The following PALM3 variants were observed in gnomAD, a reference collection of about 807,000 sequenced individuals.
PALM3 encodes paralemmin 3.
In PALM3, 20 loss-of-function variants were observed where a neutral mutation model predicts 27.9. The ratio of observed to expected loss-of-function variants is 0.72; its 90% CI spans 0.50 to 1.04. The LOEUF (loss-of-function observed/expected upper bound fraction) is 1.04. Among genes scored for constraint, PALM3 ranks in the 50% least tolerant of loss-of-function variants. The probability of loss-of-function intolerance (pLI) is 0.00; values close to 1 mark genes in which losing one functional copy is unlikely to be tolerated. For missense variants in PALM3, 814 were observed against 869.4 expected, an observed-to-expected ratio of 0.94 and a Z score of 0.80; for synonymous variants, 328 against 352.7, an observed-to-expected ratio of 0.93 and a Z score of 0.79.
chr19:14,053,815 A>G lies in PALM3; in HGVS notation c.1857T>C (p.Asp619=). Residue 619 remains aspartate, a synonymous_variant, in exon 7 of 7, where the codon GAT becomes GAC. Coordinates refer to ENST00000669674, the MANE Select transcript of PALM3 (RefSeq NM_001145028.2). The part of the protein sequence containing the change: ...TAAEGQGPLG[D]ATPLLAETPA... ...GGGTCTCTGCCAGAAGAGGTGTGGC[A>G]TCCCCCAAGGGGCCTTGGCCCTCAG... The G allele has an allele frequency of 6.5e-7, 1 of 1,548,372 alleles. No homozygotes were observed. The highest frequency in any genetic ancestry group is 8.7e-7 in the Non-Finnish European group (1 of 1,145,460).
intron 6 of PALM3, 69 bp from the exon 7 acceptor site, chr19:14,055,295 G>A (rs1976285300): frequency 2.0e-6 from 3 of 1,531,366 alleles, no homozygotes; most frequent in Admixed American, 2.0e-5. Flanking sequence ...CAAAAGGACT[G>A]CCATCCACAC....
At chr19:14,056,879 C>T in intron 3 of PALM3, 75 bp from the exon 4 acceptor site, 2 of 1,407,048 alleles carry the variant, frequency 1.4e-6, no homozygotes, top group Non-Finnish European at 1.9e-6. Context: ...CCGACCTCTG[C>T]AGGCTGGGCA....
chr19:14,057,677 G>C (rs868700174), intron 2 of PALM3: 10 of 165,220 alleles, frequency 6.1e-5, no homozygotes, highest in Middle Eastern at 2.5e-3. Context: ...CCGCGCCCGG[G>C]ATGCTGCGGA....
At position 14,056,857 on chromosome 19, in the gene PALM3, T is replaced by C; in HGVS notation, c.172-53A>G. On this transcript the variant is annotated intron_variant, in intron 3 of 6. Transcript: ENST00000669674. ...GGCATACAGACTACCCCGGTCCATGTAAAGTCCCCTCCCGACCTCTGCAGG... is the reference window on the plus strand; with the variant it reads ...GGCATACAGACTACCCCGGTCCATGCAAAGTCCCCTCCCGACCTCTGCAGG... 9 of 1,485,330 alleles carry C rather than the reference T, an allele frequency of 6.1e-6. 1 individual carries two copies. In the South Asian group the frequency reaches 1.2e-4, roughly 20 times the overall value. The allele number at this position is 1,485,330 out of a possible 1,614,324, so 92.0% of individuals were successfully genotyped here.
rs377339097 is a variant in PALM3, at chr19:14,059,166, G to A, written c.42-3C>T. The A allele has an allele frequency of 3.5e-6, 5 of 1,445,932 alleles. No individual in the cohort carries two copies. The highest frequency in any genetic ancestry group is 6.0e-5 in the East Asian group (2 of 33,182). 89.6% of individuals were successfully genotyped at this position (1,445,932 alleles called of 1,614,324 possible). A position where few individuals can be genotyped will look rare whatever the true frequency, so the allele number is the denominator to read the frequency against. Reference sequence around the variant, plus strand: ...AGAGGGAGCTCTCCGCCATGGGCCTGTTGGGAGAGGGCAGGGGCTTCGAGG... The same window carrying A: ...AGAGGGAGCTCTCCGCCATGGGCCTATTGGGAGAGGGCAGGGGCTTCGAGG... On this transcript the variant is annotated splice_polypyrimidine_tract_variant and splice_region_variant and intron_variant, in intron 1 of 6. Coordinates refer to ENST00000669674, the MANE Select transcript of PALM3 (RefSeq NM_001145028.2).
intron 2 of PALM3, chr19:14,057,657 G>A: frequency 5.0e-6 from 1 of 201,536 alleles, no homozygotes; most frequent in African/African-American, 2.4e-5. Context: ...CGGGGCGGGG[G>A]CGGGGCCGGC....
intron 1 of PALM3, among the ~76,000 whole-genome samples, chr19:14,060,672 G>A (rs1976398227): frequency 6.6e-6 from 1 of 152,116 alleles, no homozygotes; most frequent in Non-Finnish European, 1.5e-5. Context: ...GGCGAGGGGG[G>A]TGGGGGTGCA....
At chr19:14,055,770 A>AGAT (rs1335766618) in intron 5 of PALM3, among the ~76,000 whole-genome samples, 1 of 151,836 alleles carries the variant, frequency 6.6e-6, no homozygotes, top group Non-Finnish European at 1.5e-5. Flanking sequence ...TTTTTTTTTG[A>AGAT]GATGGAGTCT....
chr19:14,057,237 G>T, intron 3 of PALM3, 114 bp downstream of exon 3: 1 of 607,116 alleles, frequency 1.6e-6, no homozygotes, highest in Non-Finnish European at 2.3e-6. Flanking sequence ...GCCCCCAACT[G>T]CCCGCTCCCC....
intron 2 of PALM3, among the ~76,000 whole-genome samples, chr19:14,058,702 G>C (rs1195856451): frequency 6.6e-6 from 1 of 151,936 alleles, no homozygotes; most frequent in East Asian, 1.9e-4. Context: ...TAGGATCAGA[G>C]TGGTAGAGAC....
At position 14,055,431 on chromosome 19, in the gene PALM3, G is replaced by A. The variant is rs1976288289; in HGVS notation, c.400-6C>T. 6.4e-7 allele frequency: 1 copy of A among 1,551,516 alleles called. No individual in the cohort carries two copies. Among genetic ancestry groups the A allele is most frequent in the Non-Finnish European group, 8.7e-7 (1 of 1,146,930 alleles). On this transcript the variant is annotated splice_polypyrimidine_tract_variant and splice_region_variant and intron_variant, in intron 5 of 6. Transcript: ENST00000669674. ...TGGGAGAGAGGACGGTGACCCTGCA[G>A]AGATGGCGGAGACAAGGTCAGGCTG...
Position 14,056,812 on chromosome 19 carries a change from G to A in PALM3, c.172-8C>T. 2 of 1,541,350 alleles carry A rather than the reference G, an allele frequency of 1.3e-6. No individual in the cohort carries two copies. Among genetic ancestry groups the A allele is most frequent in the Non-Finnish European group, 1.8e-6 (2 of 1,141,996 alleles). On this transcript the variant is annotated splice_region_variant and splice_polypyrimidine_tract_variant and intron_variant, in intron 3 of 6. Coordinates refer to ENST00000669674, the MANE Select transcript of PALM3 (RefSeq NM_001145028.2). ...TTCCCGGAGAGACTTCCTCTGGGCA[G>A]GGGAAGGGAGTTGGGGCTGGGCATA...
chr19:14,053,391 C>T lies in PALM3; in HGVS notation c.*214G>A. Reference sequence around the variant, plus strand: ...CTTGAGTGCTTTCACATTTTATTTTCAAGTATAAAGGCTTCATCGCAGAAG... The same window carrying T: ...CTTGAGTGCTTTCACATTTTATTTTTAAGTATAAAGGCTTCATCGCAGAAG... On this transcript the variant is annotated 3_prime_UTR_variant, in exon 7 of 7. Transcript: ENST00000669674. 1 of 466,062 alleles carries T rather than the reference C, an allele frequency of 2.1e-6. No homozygotes were observed. Among genetic ancestry groups the T allele is most frequent in the Non-Finnish European group, 3.7e-6 (1 of 271,818 alleles). 28.9% of individuals were successfully genotyped at this position (466,062 alleles called of 1,614,324 possible).
rs911233534 is a variant in PALM3, at chr19:14,055,012, G to A, written c.660C>T (p.Ser220=). ...EQGLSQRAVP[S]EGRVGEAKGG... ...CTTTGGCCTCACCCACCCGCCCTTC[G>A]GATGGCACTGCCCTCTGACTTAGCC... Residue 220 remains serine (S), a synonymous_variant, in exon 7 of 7, where the codon TCC becomes TCT. Coordinates refer to ENST00000669674, the MANE Select transcript of PALM3 (RefSeq NM_001145028.2). 3.2e-5 allele frequency: 50 copies of A among 1,548,824 alleles called. No homozygotes were observed. The highest frequency in any genetic ancestry group is 4.3e-5 in the Non-Finnish European group (49 of 1,145,592).
intron 1 of PALM3, 21 bp downstream of exon 1, chr19:14,061,919 C>T (rs1976420088): frequency 3.0e-6 from 3 of 984,808 alleles, no homozygotes; most frequent in Non-Finnish European, 3.6e-6. Flanking sequence ...CACCAGCCCC[C>T]CTGACCCCCC....
Position 14,053,664 on chromosome 19 carries a change from CGGT to C in PALM3, c.2005_2007del (p.Thr669del), listed in dbSNP as rs1235194651. On this transcript the variant is annotated inframe_deletion, in exon 7 of 7. Coordinates refer to ENST00000669674, the MANE Select transcript of PALM3 (RefSeq NM_001145028.2). ...TTAGGGCCACTTGCCTCTTCACCCTCGGTGGGGGCAGATGGCTCAGGCTGCCGG... is the reference window on the plus strand; with the variant it reads ...TTAGGGCCACTTGCCTCTTCACCCTCGGGGGCAGATGGCTCAGGCTGCCGG... The C allele has an allele frequency of 6.8e-6, 10 of 1,472,932 alleles. No homozygotes were observed. The highest frequency in any genetic ancestry group is 9.0e-6 in the Non-Finnish European group (10 of 1,113,002). The allele number at this position is 1,472,932 out of a possible 1,614,324, so 91.2% of individuals were successfully genotyped here.
At chr19:14,056,900 C>G in intron 3 of PALM3, 96 bp from the exon 4 acceptor site, 1 of 1,269,568 alleles carries the variant, frequency 7.9e-7, no homozygotes, top group Non-Finnish European at 1.1e-6. Context: ...GGTATCTTAT[C>G]ACCACCTCAC....
At position 14,053,501 on chromosome 19, in the gene PALM3, T is replaced by C. The variant is rs941352835; in HGVS notation, c.*104A>G. ...CAGGCTAGCTGGCTCCCAGGTGCCATGGCCAGTCCTGTGGTCCCTGTCTGT... is the reference window on the plus strand; with the variant it reads ...CAGGCTAGCTGGCTCCCAGGTGCCACGGCCAGTCCTGTGGTCCCTGTCTGT... On this transcript the variant is annotated 3_prime_UTR_variant, in exon 7 of 7. Transcript: ENST00000669674. 4.6e-6 allele frequency: 6 copies of C among 1,315,872 alleles called. No individual in the cohort carries two copies. In the African/African-American group the frequency reaches 7.5e-5, roughly 16 times the overall value. 81.5% of individuals were successfully genotyped at this position (1,315,872 alleles called of 1,614,324 possible).
intron 5 of PALM3, 138 bp downstream of exon 5, chr19:14,056,291 G>T (rs1362866817): frequency 2.2e-5 from 19 of 867,352 alleles, no homozygotes; most frequent in Non-Finnish European, 3.1e-5. Flanking sequence ...ACAGAGCAAA[G>T]TAAAAGCGGG....
Sources: gnomAD v4.1 joint callset for allele counts (sites outside exome capture counted in the v4.1 genomes callset) on GRCh38, gnomAD v4.1.1 for gene constraint, MANE v1.5 for transcripts, NCBI Gene and HGNC (gene_info 2026-07-23, HGNC 2026-07-21) for gene names.